The following LRP5 variants were observed in gnomAD, a reference collection of about 807,000 sequenced individuals.
LRP5 encodes the protein low-density lipoprotein receptor-related protein 5.
LRP5 carries 62 observed loss-of-function variants against 154.1 expected under a neutral mutation model. The observed-to-expected ratio is 0.40, with a 90% CI of 0.33 to 0.50. The LOEUF (loss-of-function observed/expected upper bound fraction) is 0.50. Among genes scored for constraint, LRP5 ranks in the 20% least tolerant of loss-of-function variants. The pLI, the probability that LRP5 is intolerant of heterozygous loss-of-function variation, is 0.55. For synonymous variants in LRP5, 966 were observed against 1,011.5 expected, an observed-to-expected ratio of 0.96 and a Z score of 0.85; for missense variants, 1,915 against 2,336.7, an observed-to-expected ratio of 0.82 and a Z score of 3.72.
At chr11:68,304,035 G>T in the LRP5 span, among the ~76,000 whole-genome samples, 1 of 152,222 alleles carries the variant, frequency 6.6e-6, no homozygotes, top group African/African-American at 2.4e-5. Flanking sequence ...TAACTAAAAA[G>T]GAGCCGACTG....
At chr11:68,339,585 A>G (rs995966542) in intron 1 of LRP5, among the ~76,000 whole-genome samples, 1 of 151,970 alleles carries the variant, frequency 6.6e-6, no homozygotes, top group African/African-American at 2.4e-5. Context: ...TTACCTCGTG[A>G]TCCGCCCGCC....
the LRP5 span, among the ~76,000 whole-genome samples, chr11:68,298,740 C>T: frequency 6.6e-6 from 1 of 152,140 alleles, no homozygotes; most frequent in Non-Finnish European, 1.5e-5. Context: ...GGGGCCTTCA[C>T]GGGGCTGGTG....
chr11:68,373,318 C>T (rs2098635402), intron 5 of LRP5, among the ~76,000 whole-genome samples: 1 of 152,114 alleles, frequency 6.6e-6, no homozygotes, highest in African/African-American at 2.4e-5. Context: ...CACACCGGGA[C>T]CCCAAGGGAC....
chr11:68,365,709 CGGTGGGACGGGACGG>C lies in LRP5; in HGVS notation c.1015+10_1015+24del. ...GGCAGGACGTGTAAGGCAGGTGAGG[CGGTGGGACGGGACGG>C]GGCGGGCGGGCGGGGCGGGGCCTGG... On this transcript the variant is annotated splice_region_variant and intron_variant, in intron 5 of 22. Coordinates refer to ENST00000294304, the MANE Select transcript of LRP5 (RefSeq NM_002335.4). The C allele has an allele frequency of 3.0e-5, 5 of 165,070 alleles. No homozygotes were observed. Among genetic ancestry groups the C allele is most frequent in the East Asian group, 2.2e-4 (1 of 4,628 alleles). The allele number at this position is 165,070 out of a possible 1,614,324, so 10.2% of individuals were successfully genotyped here.
chr11:68,350,706 G>C (rs921076726), intron 2 of LRP5, among the ~76,000 whole-genome samples: 1 of 152,262 alleles, frequency 6.6e-6, no homozygotes, highest in African/African-American at 2.4e-5. Context: ...GTGTTTGGGA[G>C]CTCAGGAAGC....
At chr11:68,414,398 C>T (rs1193882735) in intron 12 of LRP5, among the ~76,000 whole-genome samples, 1 of 152,128 alleles carries the variant, frequency 6.6e-6, no homozygotes, top group Admixed American at 6.5e-5. Context: ...TACAAGGAAC[C>T]CGATGCACAG....
intron 5 of LRP5, among the ~76,000 whole-genome samples, chr11:68,373,995 G>A (rs986060847): frequency 6.6e-6 from 1 of 152,254 alleles, no homozygotes; most frequent in Non-Finnish European, 1.5e-5. Flanking sequence ...TGGCCAGGCA[G>A]TGCTCCCGGC....
At chr11:68,433,530 G>T in intron 17 of LRP5, 72 bp from the exon 18 acceptor site, 1 of 1,330,264 alleles carries the variant, frequency 7.5e-7, no homozygotes, top group Admixed American at 1.7e-5. Context: ...CTGCTTTGAA[G>T]CCCAGTCACG....
chr11:68,316,003 C>T (rs1051141477), intron 1 of LRP5, among the ~76,000 whole-genome samples: 10 of 151,900 alleles, frequency 6.6e-5, no homozygotes, highest in African/African-American at 2.4e-4. Flanking sequence ...GCATTTGGTA[C>T]ATTCACAGTG....
At chr11:68,309,722 T>TCCTC (rs1306884266), upstream of LRP5, among the ~76,000 whole-genome samples, 10 of 152,168 alleles carry the variant, frequency 6.6e-5, no homozygotes, top group Non-Finnish European at 1.3e-4. Flanking sequence ...TTGTAATGTG[T>TCCTC]CCTCTATGAC....
intron 1 of LRP5, among the ~76,000 whole-genome samples, chr11:68,316,229 G>A (rs1033246422): frequency 6.6e-6 from 1 of 152,064 alleles, no homozygotes; most frequent in African/African-American, 2.4e-5. Flanking sequence ...TTACTGTAAC[G>A]TTTTCAGGAG....
chr11:68,365,157 T>C (rs548932377), intron 4 of LRP5, among the ~76,000 whole-genome samples: 5 of 152,288 alleles, frequency 3.3e-5, no homozygotes, highest in African/African-American at 9.6e-5. Context: ...AGGCAGGTCC[T>C]GACCCCGGCC....
the LRP5 span, among the ~76,000 whole-genome samples, chr11:68,307,011 C>T: frequency 6.6e-6 from 1 of 152,136 alleles, no homozygotes; most frequent in Admixed American, 6.5e-5. Context: ...AGAGAAACCC[C>T]ATCTCTACTA....
intron 16 of LRP5, 60 bp downstream of exon 16, chr11:68,426,247 G>T (rs2098668716): frequency 2.0e-6 from 3 of 1,468,362 alleles, no homozygotes; most frequent in Non-Finnish European, 2.8e-6. Context: ...CCCTGGAGGA[G>T]GCTGGAGGCC....
intron 5 of LRP5, among the ~76,000 whole-genome samples, chr11:68,372,582 T>C (rs1365720957): frequency 2.6e-5 from 4 of 151,948 alleles, no homozygotes; most frequent in African/African-American, 9.7e-5. Flanking sequence ...TGACTTAACC[T>C]CTCTGTGCTT....
chr11:68,421,730 T>A (rs1289878406), intron 13 of LRP5, among the ~76,000 whole-genome samples: 15 of 143,572 alleles, frequency 1.0e-4, no homozygotes, highest in African/African-American at 3.8e-4. Flanking sequence ...GTGTGGTGTG[T>A]GTGTGGTGTG....
the LRP5 span, among the ~76,000 whole-genome samples, chr11:68,301,237 G>A: frequency 6.7e-6 from 1 of 149,680 alleles, no homozygotes; most frequent in East Asian, 1.9e-4. Context: ...CAGGGCCACT[G>A]CACCCAGCCT....
At chr11:68,299,627 G>A in the LRP5 span, among the ~76,000 whole-genome samples, 2 of 148,034 alleles carry the variant, frequency 1.4e-5, no homozygotes, top group Non-Finnish European at 1.5e-5. Context: ...TTGTTGCCCA[G>A]GCTGGAGTAC....
intron 7 of LRP5, among the ~76,000 whole-genome samples, chr11:68,402,911 G>A (rs994341400): frequency 2.0e-5 from 3 of 152,162 alleles, no homozygotes; most frequent in Admixed American, 2.0e-4. Context: ...TCCTCAGCTG[G>A]CCCTGTCACT....
Sources: allele counts gnomAD v4.1 joint callset (sites outside exome capture counted in the v4.1 genomes callset), GRCh38; gene constraint gnomAD v4.1.1; transcripts MANE v1.5; gene names NCBI Gene and HGNC (gene_info 2026-07-23, HGNC 2026-07-21).